LRRK1: variants seen among roughly 807,000 people sequenced by gnomAD.
LRRK1 encodes leucine rich repeat kinase 1, also known as leucine-rich repeat serine/threonine-protein kinase 1.
In LRRK1, 113 loss-of-function variants were observed where a neutral mutation model predicts 209.1. The ratio of observed to expected loss-of-function variants is 0.54; its 90% CI spans 0.46 to 0.63. The LOEUF is 0.63. Ranked by LOEUF, LRRK1 falls within the 30% of genes least tolerant of loss-of-function variation. The pLI is 0.00. For synonymous variants in LRRK1, 1,144 were observed against 1,099.7 expected, an observed-to-expected ratio of 1.04 and a Z score of -0.80; for missense variants, 2,284 against 2,632.2, an observed-to-expected ratio of 0.87 and a Z score of 2.89.
intron 6 of LRRK1, among the ~76,000 whole-genome samples, chr15:100,998,761 T>C (rs1567223105): frequency 6.6e-6 from 1 of 151,370 alleles, no homozygotes; most frequent in Non-Finnish European, 1.5e-5. Context: ...GATGGATAGA[T>C]AGATGGGTGG....
rs117933297 is a variant in LRRK1, at chr15:100,932,517, G to C, written c.97+7788G>C. 1.5e-3 allele frequency among the ~76,000 whole-genome samples: 229 copies of C among 152,182 alleles called. 1 individual carries two copies. The highest frequency in any genetic ancestry group is 2.6e-3 in the Non-Finnish European group (177 of 68,014). On this transcript the variant is annotated intron_variant, in intron 2 of 33. Transcript: ENST00000388948. ...TTTCTACCTTTTGCTTCTAAGAGTT[G>C]AATATTACTGCATATGCCCCAGCAG...
At chr15:101,064,438 C>G (rs887122854) in intron 31 of LRRK1, 1 of 153,010 alleles carries the variant, frequency 6.5e-6, no homozygotes, top group South Asian at 2.1e-4. Flanking sequence ...GTCTAGGCTG[C>G]GGAGCTGCAC....
intron 26 of LRRK1, among the ~76,000 whole-genome samples, chr15:101,053,880 T>C (rs1234273335): frequency 6.6e-6 from 1 of 152,112 alleles, no homozygotes; most frequent in Non-Finnish European, 1.5e-5. Flanking sequence ...AACTCCAGAG[T>C]GGCCAGAGGG....
At chr15:101,037,001 C>G (rs1040327393) in intron 20 of LRRK1, among the ~76,000 whole-genome samples, 4 of 152,188 alleles carry the variant, frequency 2.6e-5, no homozygotes, top group African/African-American at 9.7e-5. Flanking sequence ...GTGGTGGCAG[C>G]AGGCATGCCT....
At chr15:101,041,592 A>G (rs1370667492) in intron 20 of LRRK1, among the ~76,000 whole-genome samples, 2 of 152,148 alleles carry the variant, frequency 1.3e-5, no homozygotes, top group Non-Finnish European at 2.9e-5. Flanking sequence ...TCTACTTGTA[A>G]TTAATATTAT....
chr15:100,936,559 G>A (rs76141425), intron 2 of LRRK1, among the ~76,000 whole-genome samples: 1,986 of 152,382 alleles, frequency 0.013, 43 homozygotes, highest in African/African-American at 0.046. Flanking sequence ...AGCTATGCCA[G>A]GGCATCTACT....
intron 28 of LRRK1, 107 bp downstream of exon 28, chr15:101,057,157 C>G (rs1416599765): frequency 2.3e-6 from 2 of 886,370 alleles, no homozygotes; most frequent in African/African-American, 1.7e-5. Context: ...CATTGGCAAC[C>G]CTTCTCTGCT....
intron 3 of LRRK1, among the ~76,000 whole-genome samples, chr15:100,974,443 T>A (rs1596223453): frequency 6.6e-6 from 1 of 152,344 alleles, no homozygotes; most frequent in East Asian, 1.9e-4. Flanking sequence ...ATGGTTGTTG[T>A]TGTTGTTTCT....
At chr15:100,924,172 T>G (rs1261285698) in intron 1 of LRRK1, among the ~76,000 whole-genome samples, 1 of 152,236 alleles carries the variant, frequency 6.6e-6, no homozygotes, top group Non-Finnish European at 1.5e-5. Flanking sequence ...TTGAGCCATC[T>G]TGGTGCCACT....
intron 2 of LRRK1, among the ~76,000 whole-genome samples, chr15:100,957,260 T>C (rs2042784505): frequency 6.6e-6 from 1 of 152,246 alleles, no homozygotes; most frequent in African/African-American, 2.4e-5. Flanking sequence ...GAAAAAATTA[T>C]ATTCTCTCGC....
In LRRK1 at chr15:101,048,576, G is replaced by A. The variant is rs776235920; in HGVS notation, c.3218G>A (p.Cys1073Tyr). Reference sequence around the variant, plus strand: ...TTTACAGGAAACCAGAGAAATCGCTGTAGCACATTCAGAGTGAAAAGAAAT... The same window carrying A: ...TTTACAGGAAACCAGAGAAATCGCTATAGCACATTCAGAGTGAAAAGAAAT... Reference protein sequence around the residue: ...YSFTGNQRNRCSTFRVKRNQT... With the variant: ...YSFTGNQRNRYSTFRVKRNQT... Residue 1073 changes from cysteine (C) to tyrosine (Y), a missense_variant, in exon 22 of 34, where the codon TGT becomes TAT. This residue lies in a region of LRRK1 where 780 missense variants were observed against 985.2 expected (regional missense o/e 0.79). Coordinates refer to ENST00000388948, the MANE Select transcript of LRRK1 (RefSeq NM_024652.6). The A allele has an allele frequency of 6.3e-7, 1 of 1,587,442 alleles. No homozygotes were observed. Among genetic ancestry groups the A allele is most frequent in the Non-Finnish European group, 8.5e-7 (1 of 1,171,256 alleles).
At chr15:100,921,708 T>C (rs983763027) in intron 1 of LRRK1, among the ~76,000 whole-genome samples, 1 of 152,230 alleles carries the variant, frequency 6.6e-6, no homozygotes, top group Non-Finnish European at 1.5e-5. Context: ...ATTTGTAGAA[T>C]GAATGACAGG....
At chr15:101,067,475 T>G (rs530553513) in intron 33 of LRRK1, 54 of 315,228 alleles carry the variant, frequency 1.7e-4, no homozygotes, top group South Asian at 1.3e-3. Flanking sequence ...ACTTTGGAGC[T>G]CTTCCATTTC....
Position 101,049,638 on chromosome 15 carries a change from T to C in LRRK1, c.3300-6T>C, listed in dbSNP as rs190489729. 1 of 1,613,228 alleles carries C rather than the reference T, an allele frequency of 6.2e-7. No individual in the cohort carries two copies. Among genetic ancestry groups the C allele is most frequent in the South Asian group, 1.1e-5 (1 of 90,902 alleles). On this transcript the variant is annotated splice_polypyrimidine_tract_variant and splice_region_variant and intron_variant, in intron 22 of 33. Coordinates refer to ENST00000388948, the MANE Select transcript of LRRK1 (RefSeq NM_024652.6). ...CAATGGGCTCCTTTTGGTCTCTGGA[T>C]TGCAGTGTGGAATCTTCCGACGTGA...
chr15:100,967,225 T>C (rs1313249698), intron 2 of LRRK1, among the ~76,000 whole-genome samples: 1 of 152,222 alleles, frequency 6.6e-6, no homozygotes. Context: ...TGACTGTTAA[T>C]GTGTGTTGGG....
At chr15:101,046,310 G>T (rs1183144423) in intron 21 of LRRK1, among the ~76,000 whole-genome samples, 158 bp downstream of exon 21, 1 of 152,198 alleles carries the variant, frequency 6.6e-6, no homozygotes, top group Non-Finnish European at 1.5e-5. Flanking sequence ...GTGTGGCATG[G>T]GCTGCTGGCC....
intron 4 of LRRK1, 154 bp from the exon 5 acceptor site, chr15:100,988,480 A>ATTTTTT: frequency 1.4e-6 from 1 of 735,698 alleles, no homozygotes; most frequent in Non-Finnish European, 2.4e-6. Context: ...ACATGATCTC[A>ATTTTTT]TTCTTTTTTA....
At chr15:101,035,741 C>G (rs1201835618) in intron 20 of LRRK1, among the ~76,000 whole-genome samples, 1 of 152,086 alleles carries the variant, frequency 6.6e-6, no homozygotes, top group African/African-American at 2.4e-5. Flanking sequence ...TTATTTCTCT[C>G]TTACTGCTTA....
intron 29 of LRRK1, among the ~76,000 whole-genome samples, chr15:101,060,349 A>C (rs1240669513): frequency 6.6e-6 from 1 of 152,230 alleles, no homozygotes; most frequent in African/African-American, 2.4e-5. Context: ...TTTTCAAAGT[A>C]AAAGCTATTC....
Sources: allele counts gnomAD v4.1 joint callset (sites outside exome capture counted in the v4.1 genomes callset), GRCh38; gene constraint gnomAD v4.1.1; regional missense constraint gnomAD v4.1.1; transcripts MANE v1.5; gene names NCBI Gene and HGNC (gene_info 2026-07-23, HGNC 2026-07-21).